Variants in PCDH9 observed in about 807,000 individuals in gnomAD.
The protein encoded by PCDH9 is protocadherin 9.
In PCDH9, 24 loss-of-function variants were observed where a neutral mutation model predicts 70.6. That is an observed-to-expected ratio of 0.34 (90% CI 0.25 to 0.48). The LOEUF (loss-of-function observed/expected upper bound fraction) is 0.48, where lower values mean the gene tolerates loss of function less well. Among genes scored for constraint, PCDH9 ranks in the 20% least tolerant of loss-of-function variants. PCDH9 has a pLI of 0.99. For missense variants in PCDH9, 1,281 were observed against 1,503.6 expected (o/e 0.85, Z 2.45); for synonymous variants, 562 against 558.5 (o/e 1.01, Z -0.09).
At chr13:67,004,072 G>A (rs1156744040) in intron 2 of PCDH9, among the ~76,000 whole-genome samples, 1 of 152,044 alleles carries the variant, frequency 6.6e-6, no homozygotes, top group Non-Finnish European at 1.5e-5. Context: ...TCCCTATTAT[G>A]TAGTGTGGTG....
At chr13:66,312,688 C>T (rs1593782380) in intron 4 of PCDH9, among the ~76,000 whole-genome samples, 1 of 151,792 alleles carries the variant, frequency 6.6e-6, no homozygotes, top group Admixed American at 6.6e-5. Flanking sequence ...TGAATAACTA[C>T]GTTTTTAAAT....
At chr13:67,013,681 T>C (rs549857142) in intron 2 of PCDH9, among the ~76,000 whole-genome samples, 1 of 151,924 alleles carries the variant, frequency 6.6e-6, no homozygotes, top group African/African-American at 2.4e-5. Flanking sequence ...GATAGCCTCA[T>C]TCATCCTTAA....
intron 3 of PCDH9, among the ~76,000 whole-genome samples, chr13:66,740,570 T>A (rs987589283): frequency 3.6e-4 from 53 of 146,304 alleles, no homozygotes; most frequent in Non-Finnish European, 7.0e-4. Context: ...TTTGAAAGGA[T>A]CACCAAAAGT....
At chr13:66,517,489 T>TA (rs1164119979) in intron 4 of PCDH9, among the ~76,000 whole-genome samples, 2 of 152,004 alleles carry the variant, frequency 1.3e-5, no homozygotes, top group Non-Finnish European at 2.9e-5. Flanking sequence ...TTCTGTAATT[T>TA]AAAAAAAACA....
chr13:67,171,368 C>A (rs1488280401), intron 2 of PCDH9, among the ~76,000 whole-genome samples: 1 of 152,150 alleles, frequency 6.6e-6, no homozygotes, highest in Non-Finnish European at 1.5e-5. Context: ...ACCTCATTAA[C>A]AGCAGATGCT....
At chr13:67,109,354 C>T (rs932128247) in intron 2 of PCDH9, among the ~76,000 whole-genome samples, 3 of 152,032 alleles carry the variant, frequency 2.0e-5, no homozygotes, top group South Asian at 2.1e-4. Context: ...TAGGTAATTG[C>T]GTGTTATGAA....
intron 2 of PCDH9, among the ~76,000 whole-genome samples, chr13:67,083,172 T>C (rs550964305): frequency 3.2e-4 from 49 of 152,272 alleles, no homozygotes; most frequent in African/African-American, 1.2e-3. Context: ...CTGCATCTCA[T>C]TCAACAAAAA....
At chr13:66,692,726 T>C (rs1193841870) in intron 3 of PCDH9, among the ~76,000 whole-genome samples, 2 of 152,038 alleles carry the variant, frequency 1.3e-5, no homozygotes, top group African/African-American at 2.4e-5. Flanking sequence ...TAGATTACTT[T>C]TAATTTTGTT....
chr13:66,887,705 G>A (rs1364131247), intron 3 of PCDH9, among the ~76,000 whole-genome samples: 1 of 152,110 alleles, frequency 6.6e-6, no homozygotes, highest in East Asian at 1.9e-4. Context: ...GAATATTGCT[G>A]AGATCTTCCA....
At chr13:67,054,256 G>GA (rs2085377173) in intron 2 of PCDH9, among the ~76,000 whole-genome samples, 1 of 152,084 alleles carries the variant, frequency 6.6e-6, no homozygotes, top group South Asian at 2.1e-4. Context: ...CCGCTCTTTT[G>GA]AAATTGTATT....
chr13:66,971,131 G>T (rs568829198), intron 2 of PCDH9, among the ~76,000 whole-genome samples: 166 of 152,134 alleles, frequency 1.1e-3, no homozygotes, highest in Non-Finnish European at 1.8e-3. Context: ...TTAAATGGCA[G>T]TATAATACTG....
chr13:66,781,295 A>G (rs2079994437), intron 3 of PCDH9, among the ~76,000 whole-genome samples: 1 of 152,178 alleles, frequency 6.6e-6, no homozygotes, highest in South Asian at 2.1e-4. Context: ...TTCTGCCCTT[A>G]CCAGCAACAA....
chr13:66,532,565 A>C (rs181275330), intron 4 of PCDH9, among the ~76,000 whole-genome samples: 8 of 152,148 alleles, frequency 5.3e-5, no homozygotes, highest in African/African-American at 1.7e-4. Context: ...TTGTTTTGTG[A>C]TGTAGTCTTT....
rs78006487 is a variant in PCDH9, at chr13:66,827,123, G to A, written c.3138+76381C>T. ...AGGAGACATGAAGCAAGAGGTTGGAGTGATGTAAATAAGGGGTCAACAGCT... is the reference window on the plus strand; with the variant it reads ...AGGAGACATGAAGCAAGAGGTTGGAATGATGTAAATAAGGGGTCAACAGCT... On this transcript the variant is annotated intron_variant, in intron 3 of 4. Transcript: ENST00000377865. 8.7e-3 allele frequency among the ~76,000 whole-genome samples: 1,317 copies of A among 152,194 alleles called. 19 individuals carry two copies. Among genetic ancestry groups the A allele is most frequent in the African/African-American group, 0.03 (1,242 of 41,530 alleles).
At chr13:66,420,915 G>A (rs1593951210) in intron 4 of PCDH9, among the ~76,000 whole-genome samples, 1 of 152,080 alleles carries the variant, frequency 6.6e-6, no homozygotes, top group Non-Finnish European at 1.5e-5. Flanking sequence ...CTAACCCAAT[G>A]CAAGGAAGCT....
chr13:66,357,215 G>C (rs1956398794), intron 4 of PCDH9, among the ~76,000 whole-genome samples: 1 of 152,026 alleles, frequency 6.6e-6, no homozygotes, highest in Non-Finnish European at 1.5e-5. Flanking sequence ...GTGGGCCTTG[G>C]TGATCAGGTA....
At chr13:66,931,637 C>G (rs1198438190) in intron 2 of PCDH9, among the ~76,000 whole-genome samples, 2 of 152,032 alleles carry the variant, frequency 1.3e-5, no homozygotes, top group African/African-American at 4.8e-5. Flanking sequence ...CATTGTAGTT[C>G]TAGTGTTCTC....
At chr13:67,026,970 G>A (rs1246311222) in intron 2 of PCDH9, among the ~76,000 whole-genome samples, 5 of 152,132 alleles carry the variant, frequency 3.3e-5, no homozygotes, top group African/African-American at 4.8e-5. Flanking sequence ...AATCAATATC[G>A]TGAAAATGGC....
intron 3 of PCDH9, among the ~76,000 whole-genome samples, chr13:66,740,075 A>G (rs1252142107): frequency 1.3e-5 from 2 of 149,766 alleles, no homozygotes; most frequent in African/African-American, 4.9e-5. Flanking sequence ...TCCAAAATTG[A>G]CCACATAGTT....
Sources: gnomAD v4.1 joint callset for allele counts (sites outside exome capture counted in the v4.1 genomes callset) on GRCh38, gnomAD v4.1.1 for gene constraint, MANE v1.5 for transcripts, NCBI Gene and HGNC (gene_info 2026-07-23, HGNC 2026-07-21) for gene names.